The following FAM227B variants were observed in gnomAD, a reference collection of about 807,000 sequenced individuals.
The protein encoded by FAM227B is family with sequence similarity 227 member B.
Under a neutral mutation model 73.8 loss-of-function variants are expected in FAM227B, and 88 were observed. The observed-to-expected ratio is 1.19, with a 90% CI of 1.00 to 1.42. The LOEUF is 1.42. Ranked by LOEUF, FAM227B falls within the 40% of genes most tolerant of loss-of-function variation. FAM227B has a pLI of 0.00. For missense variants in FAM227B, 632 were observed against 590.9 expected (o/e 1.07, Z -0.72); for synonymous variants, 210 against 190.5 (o/e 1.10, Z -0.84).
chr15:49,568,053 T>C (rs1206137182), intron 9 of FAM227B, among the ~76,000 whole-genome samples, 192 bp downstream of exon 9: 1 of 152,070 alleles, frequency 6.6e-6, no homozygotes, highest in Non-Finnish European at 1.5e-5. Flanking sequence ...ATGTAAGACC[T>C]TGATGCCAGG....
At chr15:49,598,719 T>C (rs2077022815) in intron 3 of FAM227B, among the ~76,000 whole-genome samples, 1 of 152,114 alleles carries the variant, frequency 6.6e-6, no homozygotes, top group Admixed American at 6.5e-5. Context: ...AATAATTTTA[T>C]TCTTTATTCT....
intron 3 of FAM227B, among the ~76,000 whole-genome samples, chr15:49,591,015 T>C (rs1567655112): frequency 8.7e-6 from 1 of 115,294 alleles, no homozygotes; most frequent in East Asian, 4.8e-4. Flanking sequence ...TTTCTTTCTC[T>C]TTCTCTTTTT....
At chr15:49,351,486 CT>C (rs1314024827) in intron 13 of FAM227B, among the ~76,000 whole-genome samples, 1 of 150,550 alleles carries the variant, frequency 6.6e-6, no homozygotes, top group African/African-American at 2.4e-5. Context: ...TAAAAATCTG[CT>C]TCCATCTAAT....
At chr15:49,357,151 A>T (rs1225571929) in intron 13 of FAM227B, among the ~76,000 whole-genome samples, 9 of 150,368 alleles carry the variant, frequency 6.0e-5, no homozygotes, top group Non-Finnish European at 1.3e-4. Flanking sequence ...CAAAATTGAC[A>T]CCCTAACATC....
At chr15:49,536,733 A>G (rs2152252331) in intron 10 of FAM227B, among the ~76,000 whole-genome samples, 1 of 152,142 alleles carries the variant, frequency 6.6e-6, no homozygotes, top group Middle Eastern at 3.4e-3. Flanking sequence ...AAGATGAGGT[A>G]TAGAATACAG....
intron 2 of FAM227B, among the ~76,000 whole-genome samples, chr15:49,613,510 C>T (rs535424296): frequency 4.6e-5 from 7 of 152,058 alleles, no homozygotes; most frequent in African/African-American, 1.2e-4. Flanking sequence ...AAAAAACAAA[C>T]GGACAAATAA....
chr15:49,408,524 G>C (rs546108743), intron 11 of FAM227B, among the ~76,000 whole-genome samples: 5 of 152,162 alleles, frequency 3.3e-5, no homozygotes, highest in Non-Finnish European at 7.4e-5. Context: ...TTTCTTCCTG[G>C]AATTCGTTTT....
At chr15:49,493,514 T>G (rs917750659) in intron 11 of FAM227B, among the ~76,000 whole-genome samples, 10 of 152,024 alleles carry the variant, frequency 6.6e-5, no homozygotes, top group Admixed American at 5.9e-4. Context: ...TACCCTGCTC[T>G]GCCATCAAGA....
chr15:49,539,094 G>C (rs921847823), intron 10 of FAM227B, among the ~76,000 whole-genome samples: 4 of 152,138 alleles, frequency 2.6e-5, no homozygotes, highest in African/African-American at 9.7e-5. Context: ...GGTGGGGAAA[G>C]AGCTTCAACT....
Position 49,508,209 on chromosome 15 carries a change from A to G in FAM227B, c.1012+2T>C. ...TTGGCAGTATACAGAAACTTTACTTACTAGTTGATATATGTTCTTGACTGT... is the reference window on the plus strand; with the variant it reads ...TTGGCAGTATACAGAAACTTTACTTGCTAGTTGATATATGTTCTTGACTGT... On this transcript the variant is annotated splice_donor_variant, in intron 11 of 15. Coordinates refer to ENST00000299338, the MANE Select transcript of FAM227B (RefSeq NM_152647.3). LOFTEE classifies it high-confidence loss of function. 6.2e-7 allele frequency: 1 copy of G among 1,603,368 alleles called. No individual in the cohort carries two copies. Among genetic ancestry groups the G allele is most frequent in the Non-Finnish European group, 8.5e-7 (1 of 1,176,690 alleles).
intron 11 of FAM227B, among the ~76,000 whole-genome samples, chr15:49,500,689 A>G (rs2058065529): frequency 6.6e-6 from 1 of 152,220 alleles, no homozygotes; most frequent in South Asian, 2.1e-4. Flanking sequence ...TTAAAATGTT[A>G]TACATACGTG....
intron 11 of FAM227B, among the ~76,000 whole-genome samples, chr15:49,496,038 T>A (rs559272893): frequency 6.6e-4 from 100 of 151,850 alleles, no homozygotes; most frequent in African/African-American, 2.4e-3. Flanking sequence ...ATAAAATAAA[T>A]AAAATAAATA....
intron 9 of FAM227B, among the ~76,000 whole-genome samples, chr15:49,553,976 G>C (rs1200510665): frequency 1.3e-5 from 2 of 152,218 alleles, no homozygotes; most frequent in Non-Finnish European, 2.9e-5. Context: ...ATTGCTGCTA[G>C]TTATTCAGGG....
intron 11 of FAM227B, among the ~76,000 whole-genome samples, chr15:49,421,564 CA>C (rs1046049786): frequency 4.2e-4 from 64 of 152,184 alleles, no homozygotes; most frequent in African/African-American, 1.4e-3. Context: ...CCATTTCTTT[CA>C]TTTAAGTATT....
At chr15:49,577,804 G>T (rs895725274) in intron 5 of FAM227B, 140 bp from the exon 6 acceptor site, 8 of 487,646 alleles carry the variant, frequency 1.6e-5, no homozygotes, top group Admixed American at 3.9e-5. Context: ...AAATACTATT[G>T]CTGTGTTTGA....
At chr15:49,504,415 T>TA (rs1459320484) in intron 11 of FAM227B, among the ~76,000 whole-genome samples, 6 of 87,444 alleles carry the variant, frequency 6.9e-5, no homozygotes, top group Non-Finnish European at 1.3e-4. Context: ...CCCTAAAACT[T>TA]AAAGTATAAT....
intron 5 of FAM227B, among the ~76,000 whole-genome samples, chr15:49,583,599 T>C (rs904444335): frequency 2.0e-5 from 3 of 151,038 alleles, no homozygotes; most frequent in South Asian, 2.1e-4. Flanking sequence ...CCTCTGTCTA[T>C]GGAGTAGCCA....
At chr15:49,347,811 G>C (rs566487887) in intron 13 of FAM227B, among the ~76,000 whole-genome samples, 1 of 152,212 alleles carries the variant, frequency 6.6e-6, no homozygotes, top group African/African-American at 2.4e-5. Context: ...CTGAGGTCAG[G>C]AGTTCAAGAC....
intron 11 of FAM227B, chr15:49,484,570 T>C: frequency 1.3e-6 from 1 of 775,646 alleles, no homozygotes; most frequent in East Asian, 3.2e-5. Flanking sequence ...GTTTTCTTTC[T>C]TCTCAAAATT....
Sources: gnomAD v4.1 joint callset for allele counts (sites outside exome capture counted in the v4.1 genomes callset) on GRCh38, gnomAD v4.1.1 for gene constraint, MANE v1.5 for transcripts, NCBI Gene and HGNC (gene_info 2026-07-23, HGNC 2026-07-21) for gene names.